Variants in NUP205 observed in about 807,000 individuals in gnomAD.
The protein encoded by NUP205 is nucleoporin 205, also known as nuclear pore complex protein Nup205.
Under a neutral mutation model 253.8 loss-of-function variants are expected in NUP205, and 76 were observed. The ratio of observed to expected loss-of-function variants is 0.30; its 90% CI spans 0.25 to 0.36. The LOEUF (loss-of-function observed/expected upper bound fraction) is 0.36. Among genes scored for constraint, NUP205 ranks in the 10% least tolerant of loss-of-function variants. The pLI is 1.00. For synonymous variants in NUP205, 832 were observed against 850.1 expected (o/e 0.98, Z 0.37); for missense variants, 2,162 against 2,425.5 (o/e 0.89, Z 2.28).
Position 135,630,418 on chromosome 7 carries a change from T to C in NUP205, c.5007T>C (p.Ser1669=). Residue 1669 remains serine, a synonymous_variant, in exon 35 of 43, where the codon TCT becomes TCC. Coordinates refer to ENST00000285968, the MANE Select transcript of NUP205 (RefSeq NM_015135.3). ...GCTGTCAGGATGTTAGTGCTGGGTC[T>C]TTGCAGGAATTGGCTCTGCTGACAG... ...ILRCQDVSAG[S]LQELALLTGI... is the part of the protein sequence containing the mutation. 1 of 1,611,174 alleles carries C rather than the reference T, an allele frequency of 6.2e-7. No individual in the cohort carries two copies. Among genetic ancestry groups the C allele is most frequent in the South Asian group, 1.1e-5 (1 of 90,882 alleles).
rs146409284 is a variant in NUP205, at chr7:135,600,831, C to A, written c.2275-39C>A. 0.022 allele frequency: 27,911 copies of A among 1,243,072 alleles called. 415 individuals carry two copies. The highest frequency in any genetic ancestry group is 0.026 in the Non-Finnish European group (22,864 of 864,926). The allele number at this position is 1,243,072 out of a possible 1,614,324, so 77.0% of individuals were successfully genotyped here. ...AGCCTTGCAAGGCCACCACCTTGGTCTGTTTTATTGTTATTGACCTATTTA... is the reference window on the plus strand; with the variant it reads ...AGCCTTGCAAGGCCACCACCTTGGTATGTTTTATTGTTATTGACCTATTTA... On this transcript the variant is annotated intron_variant, in intron 15 of 42. Transcript: ENST00000285968.
chr7:135,647,406 C>T (rs1028229491), intron 42 of NUP205, among the ~76,000 whole-genome samples: 13 of 152,212 alleles, frequency 8.5e-5, no homozygotes, highest in African/African-American at 3.1e-4. Flanking sequence ...ACATTCGCCC[C>T]TTAGTGACTT....
intron 22 of NUP205, among the ~76,000 whole-genome samples, chr7:135,612,755 CA>C (rs1794270723): frequency 6.6e-6 from 1 of 152,040 alleles, no homozygotes. Context: ...GGTGAATTTG[CA>C]AATATGGAAT....
intron 34 of NUP205, among the ~76,000 whole-genome samples, chr7:135,629,227 G>A (rs931909057): frequency 1.3e-5 from 2 of 152,208 alleles, no homozygotes; most frequent in Non-Finnish European, 2.9e-5. Flanking sequence ...TAAGCTAGTT[G>A]AGATATTCCT....
intron 20 of NUP205, 54 bp from the exon 21 acceptor site, chr7:135,606,697 C>A: frequency 2.1e-6 from 3 of 1,406,460 alleles, no homozygotes; most frequent in Non-Finnish European, 2.0e-6. Context: ...TTTTATTTGA[C>A]TTACGTTAAC....
Position 135,592,985 on chromosome 7 carries a change from A to T in NUP205, c.1625-2A>T, listed in dbSNP as rs771288907. ...AAAATTCTGTGCTGTTTTTCTTTAT[A>T]GTTGAAAATATTCAGGGAGCAGGTG... On this transcript the variant is annotated splice_acceptor_variant, in intron 11 of 42. Coordinates refer to ENST00000285968, the MANE Select transcript of NUP205 (RefSeq NM_015135.3). LOFTEE classifies it high-confidence loss of function. 1 of 1,602,424 alleles carries T rather than the reference A, an allele frequency of 6.2e-7. No individual in the cohort carries two copies. The highest frequency in any genetic ancestry group is 8.5e-7 in the Non-Finnish European group (1 of 1,170,016).
At chr7:135,633,163 C>G (rs1386172393) in intron 35 of NUP205, among the ~76,000 whole-genome samples, 1 of 152,044 alleles carries the variant, frequency 6.6e-6, no homozygotes, top group African/African-American at 2.4e-5. Context: ...CAGGGTCTTG[C>G]TATGTTGCCC....
At chr7:135,639,179 G>A (rs1173041921) in intron 38 of NUP205, among the ~76,000 whole-genome samples, 5 of 151,904 alleles carry the variant, frequency 3.3e-5, no homozygotes, top group East Asian at 1.9e-4. Flanking sequence ...GGGTAAAGCT[G>A]TTATCCTATG....
chr7:135,623,072 GT>G, intron 31 of NUP205, 147 bp downstream of exon 31: 1 of 703,042 alleles, frequency 1.4e-6, no homozygotes, highest in Non-Finnish European at 2.3e-6. Flanking sequence ...GAGTATAGGA[GT>G]TTGAGACTAG....
At chr7:135,600,771 C>A in intron 15 of NUP205, 99 bp from the exon 16 acceptor site, 1 of 600,632 alleles carries the variant, frequency 1.7e-6, no homozygotes, top group Non-Finnish European at 2.9e-6. Context: ...AGAAACTTCA[C>A]TCATTTTCTG....
intron 1 of NUP205, among the ~76,000 whole-genome samples, chr7:135,567,126 GTGTATATATATATATATATATA>G (rs1459016020): frequency 1.7e-3 from 9 of 5,378 alleles, no homozygotes; most frequent in African/African-American, 2.6e-3. Flanking sequence ...CAGTCTATGT[GTGTATATATATATATATATATA>G]TATATATATA....
chr7:135,642,843 G>GGT (rs57007288), intron 38 of NUP205, among the ~76,000 whole-genome samples: 49,464 of 144,520 alleles, frequency 0.34, 8,555 homozygotes, highest in Middle Eastern at 0.41. Context: ...GATGTGGAGG[G>GGT]GTGTGTGTGT....
intron 15 of NUP205, chr7:135,598,647 G>A (rs755827041): frequency 1.8e-5 from 3 of 168,932 alleles, no homozygotes; most frequent in African/African-American, 4.8e-5. Context: ...CATTAGGCAT[G>A]TCTGCCATGG....
chr7:135,617,237 G>T lies in NUP205; in HGVS notation c.3680G>T (p.Cys1227Phe), dbSNP rs1295131578. 1 of 1,613,450 alleles carries T rather than the reference G, an allele frequency of 6.2e-7. No individual in the cohort carries two copies. The change falls in exon 26 of 43, where the codon TGC (cysteine) becomes TTC (phenylalanine). Residue 1227 changes from cysteine (C) to phenylalanine (F), a missense_variant. Coordinates refer to ENST00000285968, the MANE Select transcript of NUP205 (RefSeq NM_015135.3). ...AAGAATTTACGGGGACAGACAGTCT[G>T]CAATGTCAAGGTGAGGATTGCTTTA... is the stretch of plus-strand genomic sequence containing the variant. ...EHKNLRGQTVCNVKLLHRVLV... is the reference protein window; with the variant it reads ...EHKNLRGQTVFNVKLLHRVLV...
chr7:135,558,261 C>T, intron 1 of NUP205: 1 of 457,626 alleles, frequency 2.2e-6, no homozygotes, highest in Non-Finnish European at 4.0e-6. Flanking sequence ...CCCCCTCACC[C>T]CCAAGTTTCA....
In NUP205 at chr7:135,602,839, C is replaced by A. The variant is rs201409497; in HGVS notation, c.2547C>A (p.Cys849Ter). 6.2e-7 allele frequency: 1 copy of A among 1,613,920 alleles called. No homozygotes were observed. Among genetic ancestry groups the A allele is most frequent in the Non-Finnish European group, 8.5e-7 (1 of 1,179,890 alleles). Residue 849 changes from cysteine to a stop codon, truncating the protein, a stop_gained, in exon 18 of 43, where the codon TGC becomes TGA. Coordinates refer to ENST00000285968, the MANE Select transcript of NUP205 (RefSeq NM_015135.3). LOFTEE classifies it high-confidence loss of function. ...KKHLEKAVQH[C>*]LALLNLTLQK... Reference sequence around the variant, plus strand: ...ACCTGGAGAAAGCAGTACAGCATTGCCTTGCACTTCTCAATCTTACTCTGC... The same window carrying A: ...ACCTGGAGAAAGCAGTACAGCATTGACTTGCACTTCTCAATCTTACTCTGC...
intron 20 of NUP205, 63 bp downstream of exon 20, chr7:135,606,289 G>T: frequency 9.7e-7 from 1 of 1,028,474 alleles, no homozygotes; most frequent in Non-Finnish European, 1.5e-6. Context: ...TTAATTTAAA[G>T]AAAACACTTG....
At chr7:135,635,198 A>G (rs1300411455) in intron 35 of NUP205, 2 of 153,486 alleles carry the variant, frequency 1.3e-5, no homozygotes, top group African/African-American at 4.8e-5. Flanking sequence ...GCAAAAGCAA[A>G]TTATGTATAT....
At chr7:135,614,453 A>G (rs1054804399) in intron 23 of NUP205, among the ~76,000 whole-genome samples, 180 bp downstream of exon 23, 2 of 152,158 alleles carry the variant, frequency 1.3e-5, no homozygotes, top group Non-Finnish European at 2.9e-5. Flanking sequence ...GCTAGCAAAA[A>G]CTTATTTAAA....
Sources: allele counts gnomAD v4.1 joint callset (sites outside exome capture counted in the v4.1 genomes callset), GRCh38; gene constraint gnomAD v4.1.1; transcripts MANE v1.5; gene names NCBI Gene and HGNC (gene_info 2026-07-23, HGNC 2026-07-21).